DCAF4: variants seen among roughly 807,000 people sequenced by gnomAD.
The protein encoded by DCAF4 is DDB1- and CUL4-associated factor 4.
Under a neutral mutation model 60.9 loss-of-function variants are expected in DCAF4, and 37 were observed. That is an observed-to-expected ratio of 0.61 (90% CI 0.47 to 0.80). The LOEUF (loss-of-function observed/expected upper bound fraction) is 0.80. DCAF4 is among the 30% of genes least tolerant of loss of function. The pLI, the probability that DCAF4 is intolerant of heterozygous loss-of-function variation, is 0.00. For missense variants in DCAF4, 577 were observed against 650.0 expected, an observed-to-expected ratio of 0.89 and a Z score of 1.22; for synonymous variants, 243 against 254.8, an observed-to-expected ratio of 0.95 and a Z score of 0.44.
chr14:72,955,827 T>C lies in DCAF4; in HGVS notation c.1179+131T>C, dbSNP rs564048984. On this transcript the variant is annotated intron_variant, in intron 12 of 13. Coordinates refer to ENST00000358377, the MANE Select transcript of DCAF4 (RefSeq NM_015604.4). ...GGAATTTCGCTGAAGACCAAGTGATTTGTAGGCCCTGCATGGGGACTGCTT... is the reference window on the plus strand; with the variant it reads ...GGAATTTCGCTGAAGACCAAGTGATCTGTAGGCCCTGCATGGGGACTGCTT... 1.1e-4 allele frequency: 88 copies of C among 823,652 alleles called. No homozygotes were observed. The African/African-American group carries it at 1.1e-3, about 10-fold the overall frequency. 51.0% of individuals were successfully genotyped at this position (823,652 alleles called of 1,614,324 possible).
At position 72,939,862 on chromosome 14, in the gene DCAF4, G is replaced by T. The variant is rs140377003; in HGVS notation, c.153G>T (p.Pro51=). The T allele has an allele frequency of 6.2e-7, 1 of 1,611,948 alleles. No homozygotes were observed. The highest frequency in any genetic ancestry group is 2.2e-5 in the East Asian group (1 of 44,762). The stretch of plus-strand genomic sequence containing the variant: ...CCGGCCACGGTGATGACGAGTCTCC[G>T]TCAACCTCGTCTGGCACAGCTGGGA... ...HDSGHGDDES[P]STSSGTAGTS... The change falls in exon 3 of 14, where the codon CCG becomes CCT. Residue 51 remains proline, a synonymous_variant. Coordinates refer to ENST00000358377, the MANE Select transcript of DCAF4 (RefSeq NM_015604.4).
chr14:72,939,289 G>C (rs1889709002), intron 2 of DCAF4, among the ~76,000 whole-genome samples: 1 of 152,186 alleles, frequency 6.6e-6, no homozygotes, highest in African/African-American at 2.4e-5. Context: ...TACAAATCAA[G>C]TGTTTTAGCC....
intron 9 of DCAF4, among the ~76,000 whole-genome samples, chr14:72,952,165 C>T (rs1023881641): frequency 6.6e-6 from 1 of 152,238 alleles, no homozygotes; most frequent in Non-Finnish European, 1.5e-5. Flanking sequence ...TCAGAAAACA[C>T]CTCTGAAGGT....
intron 1 of DCAF4, chr14:72,929,584 A>T (rs968735828): frequency 6.4e-6 from 6 of 932,980 alleles, no homozygotes; most frequent in Non-Finnish European, 8.5e-6. Context: ...GCTGTTCTTT[A>T]TTTCAGGAAG....
downstream of DCAF4, chr14:72,960,724 C>T (rs1330939696): frequency 9.5e-7 from 1 of 1,047,716 alleles, no homozygotes; most frequent in Non-Finnish European, 1.2e-6. Flanking sequence ...CCATTTCCAG[C>T]CTCATGATGG....
At chr14:72,953,725 AAAAAAAAATATATAT>A (rs1256381185) in intron 9 of DCAF4, among the ~76,000 whole-genome samples, 4 of 52,494 alleles carry the variant, frequency 7.6e-5, no homozygotes, top group African/African-American at 2.8e-4. Flanking sequence ...AAAAAAAAAA[AAAAAAAAATATATAT>A]ATATATATAT....
At chr14:72,953,356 A>G (rs1365241745) in intron 9 of DCAF4, among the ~76,000 whole-genome samples, 2 of 152,034 alleles carry the variant, frequency 1.3e-5, no homozygotes, top group African/African-American at 2.4e-5. Context: ...TTAGTTTGTG[A>G]TAACTCACTG....
intron 6 of DCAF4, among the ~76,000 whole-genome samples, chr14:72,944,495 A>AG (rs949981815): frequency 3.3e-5 from 5 of 152,170 alleles, no homozygotes; most frequent in Admixed American, 1.3e-4. Context: ...AGAAAAGAAA[A>AG]GCTTAAAATA....
intron 1 of DCAF4, among the ~76,000 whole-genome samples, chr14:72,935,700 G>A (rs888677616): frequency 6.6e-6 from 1 of 152,330 alleles, no homozygotes; most frequent in Middle Eastern, 3.4e-3. Flanking sequence ...TTTATCATCG[G>A]CTGCGTCCTG....
intron 8 of DCAF4, among the ~76,000 whole-genome samples, chr14:72,950,707 A>G (rs1365805020): frequency 6.6e-6 from 1 of 152,198 alleles, no homozygotes; most frequent in Non-Finnish European, 1.5e-5. Context: ...AGTCAGGGAA[A>G]TGCAAATTTA....
rs34917327 is a variant in DCAF4, at chr14:72,952,992, C to CTTTTTTTTTTTTTTTT, written c.808+1125_808+1140dup. On this transcript the variant is annotated intron_variant, in intron 9 of 13. Coordinates refer to ENST00000358377, the MANE Select transcript of DCAF4 (RefSeq NM_015604.4). ...ACAGGTGTGAGCCACAATGCCCGGC[C>CTTTTTTTTTTTTTTTT]TTTTTTTTTTTTTTTTTTTTTTTTT... 1.4e-4 allele frequency among the ~76,000 whole-genome samples: 6 copies of CTTTTTTTTTTTTTTTT among 41,604 alleles called. 2 individuals carry two copies. The highest frequency in any genetic ancestry group is 3.7e-4 in the Admixed American group (1 of 2,670). 27.3% of individuals were successfully genotyped at this position (41,604 alleles called of 152,430 possible).
chr14:72,956,147 T>A (rs1179842671), intron 12 of DCAF4, among the ~76,000 whole-genome samples: 1 of 152,064 alleles, frequency 6.6e-6, no homozygotes, highest in Non-Finnish European at 1.5e-5. Context: ...GGTCTCGAAC[T>A]CCTGACCTCA....
In DCAF4 at chr14:72,940,316, G is replaced by A. The variant is rs750942030; in HGVS notation, c.290G>A (p.Arg97Gln). The part of the protein sequence containing the change: ...NCNPLTKESI[R>Q]QKEMESKRLR... ...AACCCCCTGACGAAAGAGAGCATCC[G>A]GCAGAAGGAGATGGAGAGCAAGAGA... The change falls in exon 4 of 14, where the codon CGG becomes CAG. Residue 97 changes from arginine (R) to glutamine (Q), a missense_variant. By Grantham distance (43) the Arg-to-Gln change is conservative. Coordinates refer to ENST00000358377, the MANE Select transcript of DCAF4 (RefSeq NM_015604.4). 1.2e-5 allele frequency: 20 copies of A among 1,613,996 alleles called. No individual in the cohort carries two copies. The highest frequency in any genetic ancestry group is 5.5e-5 in the South Asian group (5 of 91,080).
At chr14:72,956,837 T>C in intron 13 of DCAF4, 1 of 280,832 alleles carries the variant, frequency 3.6e-6, no homozygotes, top group Non-Finnish European at 6.9e-6. Context: ...AACTATCTTA[T>C]CCAAAAACTT....
intron 8 of DCAF4, among the ~76,000 whole-genome samples, chr14:72,951,565 C>T (rs956322594): frequency 6.6e-6 from 1 of 152,084 alleles, no homozygotes; most frequent in Non-Finnish European, 1.5e-5. Context: ...AAGCCGAGAT[C>T]GCGCCATTGC....
At chr14:72,927,553 G>A (rs1331355050) in intron 1 of DCAF4, among the ~76,000 whole-genome samples, 38 of 151,714 alleles carry the variant, frequency 2.5e-4, no homozygotes, top group Non-Finnish European at 5.3e-4. Context: ...GGGTTTCACC[G>A]TGTTAGCCAG....
intron 2 of DCAF4, among the ~76,000 whole-genome samples, chr14:72,939,558 A>C (rs886139284): frequency 6.6e-6 from 1 of 152,158 alleles, no homozygotes; most frequent in African/African-American, 2.4e-5. Flanking sequence ...CGCGAGTGAG[A>C]AGATAAGAAG....
At chr14:72,955,293 G>A (rs1383346961) in intron 11 of DCAF4, among the ~76,000 whole-genome samples, 1 of 151,992 alleles carries the variant, frequency 6.6e-6, no homozygotes, top group Non-Finnish European at 1.5e-5. Flanking sequence ...CAGCTCCTAG[G>A]ACCTCCGTGC....
intron 1 of DCAF4, among the ~76,000 whole-genome samples, chr14:72,937,602 G>C (rs1261757465): frequency 1.3e-5 from 2 of 151,968 alleles, no homozygotes; most frequent in Admixed American, 1.3e-4. Context: ...TGTATTTTTA[G>C]TAGAGATGGG....
Sources: gnomAD v4.1 joint callset for allele counts (sites outside exome capture counted in the v4.1 genomes callset) on GRCh38, gnomAD v4.1.1 for gene constraint, MANE v1.5 for transcripts, NCBI Gene and HGNC (gene_info 2026-07-23, HGNC 2026-07-21) for gene names.